ESR2: variants seen among roughly 807,000 people sequenced by gnomAD.
ESR2 encodes the protein estrogen receptor 2, also known as estrogen receptor beta.
Under a neutral mutation model 49.6 loss-of-function variants are expected in ESR2, and 36 were observed. The observed-to-expected ratio is 0.73, with a 90% CI of 0.56 to 0.96. ESR2 has a LOEUF of 0.96. Among genes scored for constraint, ESR2 ranks in the 40% least tolerant of loss-of-function variants. The probability of loss-of-function intolerance (pLI) is 0.00; values close to 1 mark genes in which losing one functional copy is unlikely to be tolerated. For missense variants in ESR2, 714 were observed against 693.0 expected (o/e 1.03, Z -0.34); for synonymous variants, 320 against 266.1 (o/e 1.20, Z -1.97).
chr14:64,301,248 A>AATGTGGCAAATGCCTGTTGCAAAT (rs1362229233), intron 1 of ESR2: 1 of 152,242 alleles, frequency 6.6e-6, no homozygotes, highest in African/African-American at 2.4e-5. Flanking sequence ...GTTGCAAATG[A>AATGTGGCAAATGCCTGTTGCAAAT]TAAGTGACAA....
chr14:64,284,485 C>T (rs935161945), intron 1 of ESR2, among the ~76,000 whole-genome samples: 2 of 151,234 alleles, frequency 1.3e-5, no homozygotes, highest in African/African-American at 2.4e-5. Context: ...CACCACCACA[C>T]TAATTTTTGT....
chr14:64,280,236 T>C (rs1489225503), intron 2 of ESR2, 83 bp from the exon 3 acceptor site: 60 of 955,246 alleles, frequency 6.3e-5, no homozygotes, highest in Non-Finnish European at 6.9e-5. Flanking sequence ...AGCATGAACA[T>C]TGCCTAATTT....
At chr14:64,265,553 AC>A (rs1265248607) in intron 4 of ESR2, among the ~76,000 whole-genome samples, 20 of 152,296 alleles carry the variant, frequency 1.3e-4, no homozygotes, top group African/African-American at 4.8e-4. Flanking sequence ...AATCCCTTTC[AC>A]AGAAGAGTAT....
At chr14:64,328,051 CAAAAAAA>C (rs748229456) in intron 1 of ESR2, among the ~76,000 whole-genome samples, 28 of 87,128 alleles carry the variant, frequency 3.2e-4, no homozygotes, top group East Asian at 6.8e-4. Context: ...ACTAAAAATA[CAAAAAAA>C]AAAAAAAAAA....
intron 6 of ESR2, among the ~76,000 whole-genome samples, chr14:64,254,584 T>TA (rs60183978): frequency 0.18 from 23,862 of 131,890 alleles, 2,319 homozygotes; most frequent in East Asian, 0.48. Flanking sequence ...CCGTCTCCAC[T>TA]AAAAAAAAAA....
At position 64,260,570 on chromosome 14, in the gene ESR2, C is replaced by T. The variant is rs747213970; in HGVS notation, c.831G>A (p.Pro277=). 1.1e-5 allele frequency: 18 copies of T among 1,600,588 alleles called. No individual in the cohort carries two copies. The highest frequency in any genetic ancestry group is 3.4e-5 in the Admixed American group (2 of 58,014). The change falls in exon 5 of 9, where the codon CCG becomes CCA. Residue 277 remains proline (P), a synonymous_variant. Coordinates refer to ENST00000341099, the MANE Select transcript of ESR2 (RefSeq NM_001437.3). ...QLVLTLLEAE[P]PHVLISRPSA... is the part of the protein sequence containing the mutation. ...TGGGGCGGCTGATCAGCACATGGGG[C>T]GGCTCAGCCTCCAGGAGGGTGAGCA...
At chr14:64,270,816 G>C (rs2076431340) in intron 3 of ESR2, among the ~76,000 whole-genome samples, 1 of 152,078 alleles carries the variant, frequency 6.6e-6, no homozygotes, top group African/African-American at 2.4e-5. Context: ...GGCCAGAAGA[G>C]GTAATTAAAA....
intron 2 of ESR2, among the ~76,000 whole-genome samples, chr14:64,281,139 G>A (rs933579807): frequency 6.6e-6 from 1 of 152,152 alleles, no homozygotes; most frequent in Admixed American, 6.6e-5. Flanking sequence ...GAGAAGAGAA[G>A]AGAGAGAACA....
At chr14:64,298,460 A>T (rs893929761), upstream of ESR2, 1 of 152,222 alleles carries the variant, frequency 6.6e-6, no homozygotes, top group East Asian at 1.9e-4. Context: ...AAATGGAGGC[A>T]TGTCTGTCCT....
intron 3 of ESR2, among the ~76,000 whole-genome samples, chr14:64,274,186 G>T (rs1232482915): frequency 2.0e-5 from 3 of 151,748 alleles, no homozygotes; most frequent in Non-Finnish European, 4.4e-5. Flanking sequence ...GGGTTAAGGT[G>T]ATCCTCCTGC....
chr14:64,333,052 A>G (rs538782989), intron 1 of ESR2, among the ~76,000 whole-genome samples: 80 of 151,060 alleles, frequency 5.3e-4, no homozygotes, highest in African/African-American at 1.8e-3. Flanking sequence ...AATTTTTTGT[A>G]TTTTTTAGTA....
At chr14:64,279,239 A>G (rs1018856457) in intron 3 of ESR2, among the ~76,000 whole-genome samples, 2 of 152,202 alleles carry the variant, frequency 1.3e-5, no homozygotes, top group South Asian at 2.1e-4. Context: ...CCTAAAATGT[A>G]TAAGACCAAG....
At chr14:64,253,632 A>C (rs1038814520) in intron 6 of ESR2, among the ~76,000 whole-genome samples, 17 of 150,306 alleles carry the variant, frequency 1.1e-4, no homozygotes, top group African/African-American at 3.7e-4. Flanking sequence ...ATATATATAT[A>C]TATCTCTGCT....
intron 1 of ESR2, among the ~76,000 whole-genome samples, chr14:64,310,559 C>T (rs1048742837): frequency 2.6e-5 from 4 of 151,346 alleles, no homozygotes; most frequent in African/African-American, 9.7e-5. Context: ...GCAACCTCTG[C>T]CTTCCGGTTT....
chr14:64,270,735 C>G (rs573177714), intron 3 of ESR2, among the ~76,000 whole-genome samples: 12 of 152,332 alleles, frequency 7.9e-5, no homozygotes, highest in African/African-American at 2.9e-4. Flanking sequence ...GTCTCGAATT[C>G]CTGACCTCAG....
intron 1 of ESR2, among the ~76,000 whole-genome samples, chr14:64,332,708 G>A (rs1052374529): frequency 6.7e-6 from 1 of 149,296 alleles, no homozygotes; most frequent in Non-Finnish European, 1.5e-5. Flanking sequence ...GCTAAGGCAG[G>A]AGAATGACAT....
downstream of ESR2, chr14:64,227,740 G>GCTC: frequency 6.4e-7 from 1 of 1,555,992 alleles, no homozygotes; most frequent in Non-Finnish European, 8.7e-7. Flanking sequence ...AAGCTGGTTT[G>GCTC]CTCCCCATCT....
intron 8 of ESR2, 142 bp downstream of exon 8, chr14:64,234,826 GGT>G: frequency 6.9e-7 from 1 of 1,454,174 alleles, no homozygotes; most frequent in Non-Finnish European, 9.1e-7. Context: ...TTTGCTTACA[GGT>G]GTGTGAACTG....
chr14:64,307,017 A>G (rs1424639157), intron 1 of ESR2, among the ~76,000 whole-genome samples: 1 of 152,094 alleles, frequency 6.6e-6, no homozygotes, highest in Non-Finnish European at 1.5e-5. Flanking sequence ...GTTTTTTTCA[A>G]GGGGTTTGTC....
Sources: gnomAD v4.1 joint callset for allele counts (sites outside exome capture counted in the v4.1 genomes callset) on GRCh38, gnomAD v4.1.1 for gene constraint, MANE v1.5 for transcripts, NCBI Gene and HGNC (gene_info 2026-07-23, HGNC 2026-07-21) for gene names.